TTC8: variants seen among roughly 807,000 people sequenced by gnomAD.
TTC8 encodes tetratricopeptide repeat protein 8.
TTC8 carries 47 observed loss-of-function variants against 72.5 expected under a neutral mutation model. The ratio of observed to expected loss-of-function variants is 0.65; its 90% CI spans 0.51 to 0.83. The LOEUF (loss-of-function observed/expected upper bound fraction) is 0.83. Among genes scored for constraint, TTC8 ranks in the 40% least tolerant of loss-of-function variants. TTC8 has a pLI of 0.00. For missense variants in TTC8, 611 were observed against 623.2 expected, an observed-to-expected ratio of 0.98 and a Z score of 0.21; for synonymous variants, 199 against 221.4, an observed-to-expected ratio of 0.90 and a Z score of 0.90.
chr14:88,861,658 C>T (rs1471853105), intron 10 of TTC8, among the ~76,000 whole-genome samples: 2 of 152,134 alleles, frequency 1.3e-5, no homozygotes, highest in Admixed American at 6.5e-5. Flanking sequence ...CCCTTCCTAG[C>T]CTCTGGTAAC....
intron 7 of TTC8, chr14:88,846,778 C>T: frequency 1.7e-6 from 1 of 581,806 alleles, no homozygotes; most frequent in Admixed American, 4.1e-5. Context: ...GTTCTTCATG[C>T]ATATGAACTT....
chr14:88,847,172 A>G (rs2094810718), intron 7 of TTC8, among the ~76,000 whole-genome samples: 1 of 152,218 alleles, frequency 6.6e-6, no homozygotes, highest in African/African-American at 2.4e-5. Context: ...GCTAATTTTC[A>G]GGCAGGATTG....
chr14:88,872,301 T>G, intron 12 of TTC8, 29 bp from the exon 13 acceptor site: 1 of 1,612,860 alleles, frequency 6.2e-7, no homozygotes, highest in Non-Finnish European at 8.5e-7. Context: ...AACGGACCCA[T>G]GGGTGTGAAC....
chr14:88,876,171 G>A (rs1373313942), intron 14 of TTC8, among the ~76,000 whole-genome samples: 4 of 152,172 alleles, frequency 2.6e-5, no homozygotes, highest in Non-Finnish European at 5.9e-5. Flanking sequence ...CTACTGCTTA[G>A]TTAGTTAAAC....
chr14:88,825,222 A>G (rs1274814925), intron 1 of TTC8, among the ~76,000 whole-genome samples: 1 of 152,164 alleles, frequency 6.6e-6, no homozygotes, highest in Non-Finnish European at 1.5e-5. Flanking sequence ...GTGACTCTCC[A>G]CCTCCTGTTA....
At chr14:88,830,974 C>T (rs758488477) in intron 1 of TTC8, 17 of 454,666 alleles carry the variant, frequency 3.7e-5, no homozygotes, top group South Asian at 1.9e-4. Flanking sequence ...CCCACATACT[C>T]AGCAGAGTCC....
chr14:88,872,510 A>G (rs1595988813), intron 13 of TTC8, 58 bp downstream of exon 13: 1 of 1,607,826 alleles, frequency 6.2e-7, no homozygotes, highest in Non-Finnish European at 8.5e-7. Context: ...AAAAGCTGTC[A>G]TGTGTGGTAG....
At chr14:88,874,646 A>G (rs1304312053) in intron 13 of TTC8, among the ~76,000 whole-genome samples, 4 of 152,212 alleles carry the variant, frequency 2.6e-5, no homozygotes, top group African/African-American at 9.6e-5. Flanking sequence ...GTCAATCAAC[A>G]GCAGTAAAAA....
intron 3 of TTC8, 92 bp from the exon 4 acceptor site, chr14:88,840,773 C>T: frequency 3.1e-6 from 4 of 1,291,160 alleles, no homozygotes; most frequent in Non-Finnish European, 1.1e-6. Flanking sequence ...TCTTTTTCAC[C>T]AGGCCAGCGC....
intron 14 of TTC8, 88 bp downstream of exon 14, chr14:88,875,197 A>G (rs541997251): frequency 9.1e-7 from 1 of 1,103,382 alleles, no homozygotes; most frequent in South Asian, 1.4e-5. Context: ...AGGAAATTCT[A>G]ACCTCATCTT....
At chr14:88,834,300 A>T (rs1379698940) in intron 2 of TTC8, among the ~76,000 whole-genome samples, 1 of 152,158 alleles carries the variant, frequency 6.6e-6, no homozygotes, top group South Asian at 2.1e-4. Flanking sequence ...ATGAATTGGG[A>T]GGAAACCCTG....
intron 2 of TTC8, among the ~76,000 whole-genome samples, chr14:88,834,667 T>C (rs573258050): frequency 6.6e-6 from 1 of 152,320 alleles, no homozygotes; most frequent in African/African-American, 2.4e-5. Context: ...TTCATAATCT[T>C]GATTTACAAA....
rs967425636 is a variant in TTC8, at chr14:88,871,157, G to C, written c.1050-392G>C. ...GGATCCAGTCAGCTGAAAACGTAGAGGTTAATGCTAAACGCAGTCCTCAAA... is the reference window on the plus strand; with the variant it reads ...GGATCCAGTCAGCTGAAAACGTAGACGTTAATGCTAAACGCAGTCCTCAAA... On this transcript the variant is annotated intron_variant, in intron 11 of 14. Transcript: ENST00000380656. This position sits in a 1 kb window ranked among gnomAD's most constrained non-coding sequence, Gnocchi z 4.1. 6.6e-6 allele frequency among the ~76,000 whole-genome samples: 1 copy of C among 152,214 alleles called. No individual in the cohort carries two copies. The highest frequency in any genetic ancestry group is 2.4e-5 in the African/African-American group (1 of 41,440).
chr14:88,831,181 T>TC (rs202212195), intron 1 of TTC8: 5,472 of 187,822 alleles, frequency 0.029, 163 homozygotes, highest in Middle Eastern at 0.037. Flanking sequence ...AGAACACCCC[T>TC]CCCACCAGCT....
At chr14:88,846,600 T>G in intron 7 of TTC8, 1 of 1,431,576 alleles carries the variant, frequency 7.0e-7, no homozygotes, top group Non-Finnish European at 9.4e-7. Flanking sequence ...ATTAATAGAT[T>G]CATCTTGAAG....
chr14:88,855,170 C>T (rs1343275829), intron 8 of TTC8, among the ~76,000 whole-genome samples: 1 of 152,184 alleles, frequency 6.6e-6, no homozygotes. Context: ...CCTCTGTGCT[C>T]TCAAAGCACT....
intron 10 of TTC8, among the ~76,000 whole-genome samples, chr14:88,862,541 C>CT (rs533801849): frequency 8.4e-5 from 2 of 23,796 alleles, no homozygotes; most frequent in African/African-American, 1.3e-4. Context: ...TCTCTCTCTC[C>CT]ATATATATAT....
At chr14:88,843,908 T>G in intron 7 of TTC8, 58 bp downstream of exon 7, 3 of 1,251,062 alleles carry the variant, frequency 2.4e-6, no homozygotes, top group Non-Finnish European at 3.4e-6. Flanking sequence ...TTTGGAAGTT[T>G]AGATTCTGAA....
intron 2 of TTC8, chr14:88,836,795 C>T (rs2094753812): frequency 6.5e-6 from 1 of 152,878 alleles, no homozygotes; most frequent in African/African-American, 2.4e-5. Context: ...CATGGTGGCT[C>T]ACGCCTGTAA....
Sources: allele counts gnomAD v4.1 joint callset (sites outside exome capture counted in the v4.1 genomes callset), GRCh38; gene constraint gnomAD v4.1.1; non-coding constraint Gnocchi (gnomAD v3.1); transcripts MANE v1.5; gene names NCBI Gene and HGNC (gene_info 2026-07-23, HGNC 2026-07-21).